C19orf12: variants seen among roughly 807,000 people sequenced by gnomAD.
C19orf12 encodes chromosome 19 open reading frame 12.
C19orf12 carries 2 observed loss-of-function variants against 3.8 expected under a neutral mutation model. The ratio of observed to expected loss-of-function variants is 0.53; its 90% confidence interval spans 0.22 to 1.66. The LOEUF is 1.66. Ranked by LOEUF, C19orf12 falls within the 40% of genes most tolerant of loss-of-function variation. The pLI, the probability that C19orf12 is intolerant of heterozygous loss-of-function variation, is 0.20. For missense variants in C19orf12, 156 were observed against 188.8 expected (o/e 0.83, Z 1.02); for synonymous variants, 89 against 84.6 (o/e 1.05, Z -0.28).
intron 1 of C19orf12, among the ~76,000 whole-genome samples, chr19:29,714,517 C>T (rs540612929): frequency 4.6e-5 from 7 of 152,022 alleles, no homozygotes; most frequent in Non-Finnish European, 8.8e-5. Flanking sequence ...AACTACCTGC[C>T]ATCCCCAAAA....
At chr19:29,715,365 G>T (rs1043392177), upstream of C19orf12, 3 of 390,126 alleles carry the variant, frequency 7.7e-6, no homozygotes, top group Non-Finnish European at 1.5e-5. Flanking sequence ...AGGGGGAGCC[G>T]GGGGTCGCTG....
rs749712178 is a variant in C19orf12, at chr19:29,701,999, A to G, written c.*713T>C. 7.3e-5 allele frequency: 33 copies of G among 453,334 alleles called. No homozygotes were observed. The highest frequency in any genetic ancestry group is 1.3e-4 in the Non-Finnish European group (30 of 226,276). The allele number at this position is 453,334 out of a possible 1,614,324, so 28.1% of individuals were successfully genotyped here. On this transcript the variant is annotated 3_prime_UTR_variant, in exon 3 of 3. Coordinates refer to ENST00000323670, the MANE Select transcript of C19orf12 (RefSeq NM_031448.6). ...CACAATATCTCCGAGATATACCTGTACTTTTTACTAAAAATATTTCATTTG... is the reference window on the plus strand; with the variant it reads ...CACAATATCTCCGAGATATACCTGTGCTTTTTACTAAAAATATTTCATTTG...
intron 2 of C19orf12, among the ~76,000 whole-genome samples, chr19:29,707,095 G>A (rs1026420320): frequency 1.3e-5 from 2 of 152,230 alleles, no homozygotes; most frequent in South Asian, 2.1e-4. Flanking sequence ...AGTGGCTCAC[G>A]CCTGTAATCC....
rs1255359112 is a variant in C19orf12 at position 29,701,445 on chromosome 19, A to G, written c.*1267T>C. 4 of 454,012 alleles carry G rather than the reference A, an allele frequency of 8.8e-6. No homozygotes were observed. The East Asian group carries it at 2.1e-4, about 24-fold the overall frequency. 28.1% of individuals were successfully genotyped at this position (454,012 alleles called of 1,614,324 possible). On this transcript the variant is annotated 3_prime_UTR_variant, in exon 3 of 3. Transcript: ENST00000323670. ...AAATGCTATGTAAATATGCTACACC[A>G]TATTGTTTAGGGAATAATGGCAAGA...
rs908150190 is a variant in C19orf12 at position 29,699,522 on chromosome 19, A to T, written c.*3190T>A. 8.9e-6 allele frequency: 4 copies of T among 451,262 alleles called. No individual in the cohort carries two copies. The highest frequency in any genetic ancestry group is 8.1e-5 in the African/African-American group (4 of 49,638). The allele number at this position is 451,262 out of a possible 1,614,324, so 28.0% of individuals were successfully genotyped here. A position where few individuals can be genotyped will look rare whatever the true frequency, so the allele number is the denominator to read the frequency against. On this transcript the variant is annotated 3_prime_UTR_variant, in exon 3 of 3. Transcript: ENST00000323670. Reference sequence around the variant, plus strand: ...GAAAAAAAGAAAAAAATATATGTGTACCTACATAGCATTAAAACAATTGCA... The same window carrying T: ...GAAAAAAAGAAAAAAATATATGTGTTCCTACATAGCATTAAAACAATTGCA...
At chr19:29,709,868 G>A (rs1331562156) in intron 1 of C19orf12, among the ~76,000 whole-genome samples, 1 of 151,280 alleles carries the variant, frequency 6.6e-6, no homozygotes, top group African/African-American at 2.4e-5. Flanking sequence ...AGGTTTTTTT[G>A]TTTTGTTTGT....
intron 1 of C19orf12, among the ~76,000 whole-genome samples, chr19:29,709,176 G>C (rs1278465911): frequency 6.6e-6 from 1 of 152,242 alleles, no homozygotes; most frequent in African/African-American, 2.4e-5. Flanking sequence ...AAAGCAACTG[G>C]AGAAAAAATA....
intron 1 of C19orf12, 61 bp from the exon 2 acceptor site, chr19:29,708,484 G>A (rs1972498764): frequency 1.3e-6 from 2 of 1,592,536 alleles, no homozygotes; most frequent in African/African-American, 2.7e-5. Context: ...CCATCACAAT[G>A]CCACTCTAGT....
At chr19:29,704,650 C>T (rs1330452477) in intron 2 of C19orf12, among the ~76,000 whole-genome samples, 2 of 152,120 alleles carry the variant, frequency 1.3e-5, no homozygotes, top group African/African-American at 4.8e-5. Flanking sequence ...GAATATGGTG[C>T]AGAGAAGCGG....
chr19:29,701,597 A>G lies in C19orf12; in HGVS notation c.*1115T>C. The G allele has an allele frequency of 2.2e-6, 1 of 454,084 alleles. No individual in the cohort carries two copies. The highest frequency in any genetic ancestry group is 4.4e-6 in the Non-Finnish European group (1 of 226,784). The allele number at this position is 454,084 out of a possible 1,614,324, so 28.1% of individuals were successfully genotyped here. On this transcript the variant is annotated 3_prime_UTR_variant, in exon 3 of 3. Transcript: ENST00000323670. The stretch of plus-strand genomic sequence containing the variant: ...AGCTGACTGTACTGGGGAAATCTTT[A>G]GGGTAGAAACATTTCTTAGAGATGG...
At position 29,714,996 on chromosome 19, in the gene C19orf12, G is replaced by A. The variant is rs1972885274; in HGVS notation, c.-11+129C>T. 4 of 711,814 alleles carry A rather than the reference G, an allele frequency of 5.6e-6. No individual in the cohort carries two copies. The East Asian group carries it at 8.1e-5, about 14-fold the overall frequency. The allele number at this position is 711,814 out of a possible 1,614,324, so 44.1% of individuals were successfully genotyped here. A position where few individuals can be genotyped will look rare whatever the true frequency, so the allele number is the denominator to read the frequency against. Reference sequence around the variant, plus strand: ...TCCACCCCGGCACCGGGAGGGCCGGGCTCCCGGCAGGGCGGGGACCCTCTC... The same window carrying A: ...TCCACCCCGGCACCGGGAGGGCCGGACTCCCGGCAGGGCGGGGACCCTCTC... On this transcript the variant is annotated intron_variant, in intron 1 of 2. Transcript: ENST00000323670.
At chr19:29,703,659 A>G (rs1283910568) in intron 2 of C19orf12, among the ~76,000 whole-genome samples, 1 of 152,066 alleles carries the variant, frequency 6.6e-6, no homozygotes, top group Admixed American at 6.5e-5. Flanking sequence ...GATTATAGGC[A>G]TGAGCCACCA....
chr19:29,699,715 G>GTT lies in C19orf12; in HGVS notation c.*2996_*2997insAA. On this transcript the variant is annotated 3_prime_UTR_variant, in exon 3 of 3. Transcript: ENST00000323670. ...AAAACAGAGTTAAAGGAATACACAT[G>GTT]AAATTGGTAACAGTGGCTGCCTCTG... The GTT allele has an allele frequency of 2.2e-6, 1 of 454,096 alleles. No individual in the cohort carries two copies. Among genetic ancestry groups the GTT allele is most frequent in the Non-Finnish European group, 4.4e-6 (1 of 226,796 alleles). The allele number at this position is 454,096 out of a possible 1,614,324, so 28.1% of individuals were successfully genotyped here.
At chr19:29,703,572 G>T (rs533878570) in intron 2 of C19orf12, among the ~76,000 whole-genome samples, 6 of 151,616 alleles carry the variant, frequency 4.0e-5, no homozygotes, top group Non-Finnish European at 7.4e-5. Context: ...TAGAAACAGG[G>T]TTTCACCATG....
At position 29,700,370 on chromosome 19, in the gene C19orf12, A is replaced by T. The variant is rs771702833; in HGVS notation, c.*2342T>A. 1.5e-5 allele frequency: 7 copies of T among 454,040 alleles called. No homozygotes were observed. The highest frequency in any genetic ancestry group is 6.8e-4 in the Middle Eastern group (1 of 1,466). The allele number at this position is 454,040 out of a possible 1,614,324, so 28.1% of individuals were successfully genotyped here. On this transcript the variant is annotated 3_prime_UTR_variant, in exon 3 of 3. Transcript: ENST00000323670. ...AGCACTGAACCAAACATCTTTGTTGAGGTTTCATTCTCACGATATCTGCAA... is the reference window on the plus strand; with the variant it reads ...AGCACTGAACCAAACATCTTTGTTGTGGTTTCATTCTCACGATATCTGCAA...
intron 1 of C19orf12, among the ~76,000 whole-genome samples, chr19:29,710,292 G>A (rs905811360): frequency 3.9e-5 from 6 of 152,142 alleles, no homozygotes; most frequent in African/African-American, 1.4e-4. Flanking sequence ...TGAGAGGACC[G>A]CAAAGCCAGG....
chr19:29,705,355 A>T, intron 2 of C19orf12: 1 of 445,200 alleles, frequency 2.2e-6, no homozygotes, highest in Non-Finnish European at 4.5e-6. Flanking sequence ...AGACTAAGAA[A>T]GCAGGCGATT....
chr19:29,705,463 C>A, intron 2 of C19orf12: 1 of 294,128 alleles, frequency 3.4e-6, no homozygotes, highest in Non-Finnish European at 6.7e-6. Flanking sequence ...CAAATCAAGT[C>A]TGGAGAATGG....
chr19:29,706,239 G>A (rs1373617719), intron 2 of C19orf12, among the ~76,000 whole-genome samples: 1 of 152,232 alleles, frequency 6.6e-6, no homozygotes, highest in Non-Finnish European at 1.5e-5. Flanking sequence ...CCAGTGAAAT[G>A]CTCCAAGTCG....
Sources: allele counts gnomAD v4.1 joint callset (sites outside exome capture counted in the v4.1 genomes callset), GRCh38; gene constraint gnomAD v4.1.1; transcripts MANE v1.5; gene names NCBI Gene and HGNC (gene_info 2026-07-23, HGNC 2026-07-21).